ACSS3: variants seen among roughly 807,000 people sequenced by gnomAD.
ACSS3 encodes acyl-CoA synthetase short chain family member 3.
Under a neutral mutation model 84.2 loss-of-function variants are expected in ACSS3, and 64 were observed. The observed-to-expected ratio is 0.76, with a 90% confidence interval of 0.62 to 0.94. The LOEUF is 0.94. Ranked by LOEUF, ACSS3 falls within the 40% of genes least tolerant of loss-of-function variation. The pLI is 0.00. For synonymous variants in ACSS3, 317 were observed against 310.1 expected, an observed-to-expected ratio of 1.02 and a Z score of -0.23; for missense variants, 815 against 867.6, an observed-to-expected ratio of 0.94 and a Z score of 0.76.
At chr12:81,173,159 TG>T (rs2030208188) in intron 7 of ACSS3, among the ~76,000 whole-genome samples, 2 of 152,280 alleles carry the variant, frequency 1.3e-5, no homozygotes, top group South Asian at 4.1e-4. Context: ...AAAAATAAAA[TG>T]TTTACCTTGT....
intron 4 of ACSS3, among the ~76,000 whole-genome samples, chr12:81,141,046 G>T (rs1282647536): frequency 6.6e-6 from 1 of 152,122 alleles, no homozygotes; most frequent in Non-Finnish European, 1.5e-5. Flanking sequence ...GCAGAACCAG[G>T]ATTTAAACTC....
intron 1 of ACSS3, among the ~76,000 whole-genome samples, chr12:81,099,841 G>T (rs1460614623): frequency 1.3e-5 from 2 of 152,104 alleles, no homozygotes; most frequent in African/African-American, 4.8e-5. Flanking sequence ...TGAAAAAATT[G>T]ATGGGAAGAG....
chr12:81,163,226 A>G (rs1219765637), intron 7 of ACSS3, among the ~76,000 whole-genome samples: 15 of 152,148 alleles, frequency 9.9e-5, no homozygotes, highest in Admixed American at 9.8e-4. Flanking sequence ...CGTTTCAAAA[A>G]TATTATTTTT....
chr12:81,173,292 G>T (rs1371898647), intron 7 of ACSS3, among the ~76,000 whole-genome samples: 1 of 152,066 alleles, frequency 6.6e-6, no homozygotes, highest in Non-Finnish European at 1.5e-5. Flanking sequence ...TGTATTATTT[G>T]CATGTGTTGA....
At position 81,196,319 on chromosome 12, in the gene ACSS3, G is replaced by T. The variant is rs968212811; in HGVS notation, c.1251-3022G>T. Among the ~76,000 whole-genome samples the T allele has an allele frequency of 3.9e-5, 6 of 152,236 alleles. No individual in the cohort carries two copies. The South Asian group carries it at 8.3e-4, about 21-fold the overall frequency. On this transcript the variant is annotated intron_variant, in intron 8 of 15. Coordinates refer to ENST00000548058, the MANE Select transcript of ACSS3 (RefSeq NM_024560.4). Reference sequence around the variant, plus strand: ...TGAAATACCCTCACGTGGCTATTGAGCTCTTGAAATGTGGCAAGTCCAATT... The same window carrying T: ...TGAAATACCCTCACGTGGCTATTGATCTCTTGAAATGTGGCAAGTCCAATT...
intron 8 of ACSS3, among the ~76,000 whole-genome samples, chr12:81,188,855 A>G (rs748896752): frequency 1.4e-4 from 22 of 152,132 alleles, no homozygotes; most frequent in Admixed American, 2.0e-4. Flanking sequence ...CAAAGTATAG[A>G]TACACTGTGG....
intron 8 of ACSS3, among the ~76,000 whole-genome samples, chr12:81,190,311 A>C (rs2031499006): frequency 6.6e-6 from 1 of 152,096 alleles, no homozygotes; most frequent in Non-Finnish European, 1.5e-5. Context: ...AATTTCACTC[A>C]TTAATGATTT....
At chr12:81,209,296 C>T (rs2135922470) in intron 9 of ACSS3, among the ~76,000 whole-genome samples, 1 of 151,550 alleles carries the variant, frequency 6.6e-6, no homozygotes, top group Non-Finnish European at 1.5e-5. Context: ...TTGTTAACTA[C>T]ATGCACTTTT....
intron 7 of ACSS3, among the ~76,000 whole-genome samples, chr12:81,173,409 G>T (rs2030226414): frequency 6.6e-6 from 1 of 151,948 alleles, no homozygotes; most frequent in African/African-American, 2.4e-5. Context: ...GGTATTAAAA[G>T]AGCAAAATAG....
chr12:81,099,364 A>C (rs1160877765), intron 1 of ACSS3, among the ~76,000 whole-genome samples: 1 of 152,196 alleles, frequency 6.6e-6, no homozygotes, highest in Non-Finnish European at 1.5e-5. Flanking sequence ...AGTAAATATA[A>C]ACCTGAACTT....
chr12:81,210,125 A>G (rs180912670), intron 9 of ACSS3, among the ~76,000 whole-genome samples: 1 of 152,200 alleles, frequency 6.6e-6, no homozygotes, highest in African/African-American at 2.4e-5. Flanking sequence ...TCTCAGTATT[A>G]TTTTACTCAG....
chr12:81,250,418 A>G (rs1449761472), intron 13 of ACSS3, among the ~76,000 whole-genome samples: 1 of 152,090 alleles, frequency 6.6e-6, no homozygotes, highest in Non-Finnish European at 1.5e-5. Context: ...AGTAGGCAAA[A>G]ATGGGAAACT....
At chr12:81,220,366 A>T (rs928202976) in intron 11 of ACSS3, among the ~76,000 whole-genome samples, 3 of 152,130 alleles carry the variant, frequency 2.0e-5, no homozygotes, top group African/African-American at 7.2e-5. Context: ...TACAAAAAAA[A>T]TATGAATAAG....
chr12:81,184,937 C>T (rs10862257), intron 8 of ACSS3, among the ~76,000 whole-genome samples: 1 of 151,434 alleles, frequency 6.6e-6, no homozygotes. Context: ...CACAAGAAAA[C>T]TATGGTTAAT....
chr12:81,089,818 A>ATAT (rs1881558260), intron 1 of ACSS3, among the ~76,000 whole-genome samples: 1 of 151,984 alleles, frequency 6.6e-6, no homozygotes, highest in African/African-American at 2.4e-5. Flanking sequence ...CACTATATGT[A>ATAT]TATTATCTCT....
At chr12:81,131,010 A>G (rs975227426) in intron 2 of ACSS3, among the ~76,000 whole-genome samples, 1 of 152,198 alleles carries the variant, frequency 6.6e-6, no homozygotes, top group African/African-American at 2.4e-5. Flanking sequence ...TACCAGTACC[A>G]TGCTGTTTTG....
At chr12:81,146,080 AC>A (rs1886326711) in intron 5 of ACSS3, among the ~76,000 whole-genome samples, 1 of 152,096 alleles carries the variant, frequency 6.6e-6, no homozygotes, top group Non-Finnish European at 1.5e-5. Context: ...ACTTATTTTA[AC>A]CTGTCTTATA....
At chr12:81,127,173 ATCATCT>A (rs1885156756) in intron 2 of ACSS3, among the ~76,000 whole-genome samples, 1 of 151,886 alleles carries the variant, frequency 6.6e-6, no homozygotes, top group Non-Finnish European at 1.5e-5. Flanking sequence ...TTAGCATAAT[ATCATCT>A]TCAATGAAAA....
intron 2 of ACSS3, among the ~76,000 whole-genome samples, chr12:81,119,318 A>C (rs1884350749): frequency 6.6e-6 from 1 of 152,198 alleles, no homozygotes; most frequent in Non-Finnish European, 1.5e-5. Context: ...GGCAAAGGGC[A>C]AAATCAAAAA....
Sources: gnomAD v4.1 joint callset for allele counts (sites outside exome capture counted in the v4.1 genomes callset) on GRCh38, gnomAD v4.1.1 for gene constraint, MANE v1.5 for transcripts, NCBI Gene and HGNC (gene_info 2026-07-23, HGNC 2026-07-21) for gene names.